The following GRIP1 variants were observed in gnomAD, a reference collection of about 807,000 sequenced individuals.
GRIP1 encodes the protein glutamate receptor-interacting protein 1.
A neutral mutation model predicts 129.9 loss-of-function variants in GRIP1; 45 were observed. The observed-to-expected ratio is 0.35, with a 90% CI of 0.27 to 0.44. GRIP1 has a LOEUF of 0.44. Ranked by LOEUF, GRIP1 falls within the 20% of genes least tolerant of loss-of-function variation. GRIP1 has a pLI of 1.00. For missense variants in GRIP1, 1,196 were observed against 1,396.8 expected (o/e 0.86, Z 2.29); for synonymous variants, 530 against 520.8 (o/e 1.02, Z -0.24).
chr12:66,821,465 T>C (rs1447612320), intron 1 of GRIP1, among the ~76,000 whole-genome samples: 2 of 152,138 alleles, frequency 1.3e-5, no homozygotes, highest in East Asian at 3.9e-4. Context: ...CCCCCTAACA[T>C]CTTGCTTTGT....
chr12:66,744,077 C>T (rs2036871898), intron 1 of GRIP1, among the ~76,000 whole-genome samples: 1 of 152,148 alleles, frequency 6.6e-6, no homozygotes, highest in Admixed American at 6.5e-5. Flanking sequence ...CTCTAGAGAG[C>T]TACCTAGCTC....
At chr12:66,924,999 T>C (rs1592351267) in intron 1 of GRIP1, among the ~76,000 whole-genome samples, 1 of 152,130 alleles carries the variant, frequency 6.6e-6, no homozygotes, top group East Asian at 1.9e-4. Flanking sequence ...GAGAGCAAGA[T>C]AAGAATTTAT....
chr12:67,013,740 C>G (rs1458041162), intron 1 of GRIP1, among the ~76,000 whole-genome samples: 1 of 152,162 alleles, frequency 6.6e-6, no homozygotes, highest in Non-Finnish European at 1.5e-5. Flanking sequence ...TCTATCCAGC[C>G]TCCAACATGT....
intron 24 of GRIP1, among the ~76,000 whole-genome samples, chr12:66,352,103 G>C (rs1412694343): frequency 1.3e-5 from 2 of 152,180 alleles, no homozygotes; most frequent in East Asian, 3.8e-4. Context: ...TGACAGCATT[G>C]TTCTTGGAAC....
chr12:66,700,126 A>C (rs898700278), intron 1 of GRIP1, among the ~76,000 whole-genome samples: 1 of 152,292 alleles, frequency 6.6e-6, no homozygotes, highest in East Asian at 1.9e-4. Context: ...AAACCAGAGA[A>C]GGAACTCCTG....
chr12:66,816,221 A>C (rs150296570), intron 1 of GRIP1, among the ~76,000 whole-genome samples: 1 of 152,094 alleles, frequency 6.6e-6, no homozygotes, highest in Non-Finnish European at 1.5e-5. Context: ...GGGTAAATAG[A>C]CCCACTGGAG....
chr12:66,370,953 C>T (rs536858220), intron 23 of GRIP1, among the ~76,000 whole-genome samples: 3 of 152,200 alleles, frequency 2.0e-5, no homozygotes, highest in East Asian at 3.9e-4. Flanking sequence ...GTCTCCTGAA[C>T]AACATAATCA....
At chr12:66,649,241 A>G (rs1398389345) in intron 1 of GRIP1, among the ~76,000 whole-genome samples, 1 of 152,158 alleles carries the variant, frequency 6.6e-6, no homozygotes, top group East Asian at 1.9e-4. Context: ...CATCCTATAA[A>G]ATCCTCAGGG....
chr12:66,784,417 A>G (rs908523627), intron 1 of GRIP1, among the ~76,000 whole-genome samples: 3 of 152,196 alleles, frequency 2.0e-5, no homozygotes, highest in African/African-American at 7.2e-5. Flanking sequence ...CTAATGAGGT[A>G]GGTAATATTA....
At chr12:66,477,356 C>A (rs1366998943) in intron 7 of GRIP1, among the ~76,000 whole-genome samples, 4 of 151,840 alleles carry the variant, frequency 2.6e-5, no homozygotes, top group Non-Finnish European at 4.4e-5. Context: ...GAACTACAAA[C>A]CACTGCTCAA....
At chr12:66,773,223 A>T (rs990770866) in intron 1 of GRIP1, among the ~76,000 whole-genome samples, 1 of 152,158 alleles carries the variant, frequency 6.6e-6, no homozygotes, top group Non-Finnish European at 1.5e-5. Context: ...AACAAAGAAA[A>T]GAACCAAATC....
intron 13 of GRIP1, among the ~76,000 whole-genome samples, chr12:66,443,997 C>G (rs2058543727): frequency 6.6e-6 from 1 of 152,110 alleles, no homozygotes; most frequent in Non-Finnish European, 1.5e-5. Flanking sequence ...TATGGTTTCT[C>G]TAGTATACAG....
At chr12:67,027,723 T>C (rs1566829) in intron 1 of GRIP1, among the ~76,000 whole-genome samples, 14 of 152,016 alleles carry the variant, frequency 9.2e-5, no homozygotes, top group Non-Finnish European at 1.8e-4. Flanking sequence ...GTCAAGGCAA[T>C]AGAACTAGTT....
intron 1 of GRIP1, among the ~76,000 whole-genome samples, chr12:66,779,926 G>T (rs1216798078): frequency 6.6e-6 from 1 of 152,176 alleles, no homozygotes; most frequent in Non-Finnish European, 1.5e-5. Context: ...TATTCAGGAA[G>T]TACATTCCAA....
intron 1 of GRIP1, among the ~76,000 whole-genome samples, chr12:67,022,083 T>C (rs758880531): frequency 6.6e-6 from 1 of 152,188 alleles, no homozygotes; most frequent in Admixed American, 6.6e-5. Flanking sequence ...TTCCCTATCT[T>C]AGCTATTGTG....
rs1025307726 is a variant in GRIP1 at position 66,455,658 on chromosome 12, T to A, written c.1199-94A>T. The A allele has an allele frequency of 2.6e-6, 3 of 1,147,000 alleles. No individual in the cohort carries two copies. The African/African-American group carries it at 4.6e-5, about 17-fold the overall frequency. 71.1% of individuals were successfully genotyped at this position (1,147,000 alleles called of 1,614,324 possible). A position where few individuals can be genotyped will look rare whatever the true frequency, so the allele number is the denominator to read the frequency against. On this transcript the variant is annotated intron_variant, in intron 10 of 24. Transcript: ENST00000359742. The stretch of plus-strand genomic sequence containing the variant: ...CAGTAACAATCCAGAAAGACACACA[T>A]GATGCATAGCAATGGCTAGGAAGGA...
chr12:66,891,676 A>C (rs2040661219), intron 1 of GRIP1, among the ~76,000 whole-genome samples: 3 of 152,206 alleles, frequency 2.0e-5, no homozygotes, highest in Non-Finnish European at 2.9e-5. Flanking sequence ...AAAAACCATA[A>C]AATTAAATCA....
intron 15 of GRIP1, among the ~76,000 whole-genome samples, chr12:66,418,529 C>G (rs2057691465): frequency 6.6e-6 from 1 of 152,044 alleles, no homozygotes; most frequent in Non-Finnish European, 1.5e-5. Context: ...AAAATATTTG[C>G]AAACTATCCA....
At chr12:66,444,815 G>A in intron 12 of GRIP1, 86 bp from the exon 13 acceptor site, 8 of 1,363,322 alleles carry the variant, frequency 5.9e-6, no homozygotes, top group Non-Finnish European at 8.4e-6. Flanking sequence ...CTTGATCCTT[G>A]CAAAATAGCA....
Sources: gnomAD v4.1 joint callset for allele counts (sites outside exome capture counted in the v4.1 genomes callset) on GRCh38, gnomAD v4.1.1 for gene constraint, MANE v1.5 for transcripts, NCBI Gene and HGNC (gene_info 2026-07-23, HGNC 2026-07-21) for gene names.